JAM3: variants seen among roughly 807,000 people sequenced by gnomAD.
JAM3 encodes the protein junctional adhesion molecule C.
A neutral mutation model predicts 39.4 loss-of-function variants in JAM3; 31 were observed. The observed-to-expected ratio is 0.79, with a 90% CI of 0.59 to 1.06. JAM3 has a LOEUF of 1.06. JAM3 is among the 50% of genes least tolerant of loss of function. The pLI is 0.00. For synonymous variants in JAM3, 182 were observed against 148.7 expected (o/e 1.22, Z -1.63); for missense variants, 455 against 391.4 (o/e 1.16, Z -1.37).
intron 1 of JAM3, among the ~76,000 whole-genome samples, chr11:134,069,454 C>G (rs956510598): frequency 6.6e-6 from 1 of 152,146 alleles, no homozygotes; most frequent in Admixed American, 6.5e-5. Context: ...CCGTCGGACC[C>G]CGGGGGCGGG....
chr11:134,144,256 G>A lies in JAM3; in HGVS notation c.272G>A (p.Arg91His), dbSNP rs267602787. Residue 91 changes from arginine (R) to histidine (H), a missense_variant, in exon 4 of 9, where the codon CGT (arginine) becomes CAT (histidine). Physicochemically the swap from Arg to His is conservative, Grantham distance 29 (BLOSUM62 0). Coordinates refer to ENST00000299106, the MANE Select transcript of JAM3 (RefSeq NM_032801.5). ...DNKIQGDLAG[R>H]AEILGKTSLK... ...TTTTCTGTAGGAGACTTGGCGGGTC[G>A]TGCAGAAATACTGGGGAAGACATCC... is the stretch of plus-strand genomic sequence containing the variant. 1.1e-5 allele frequency: 17 copies of A among 1,614,168 alleles called. No homozygotes were observed. The highest frequency in any genetic ancestry group is 1.7e-4 in the Middle Eastern group (1 of 6,060).
chr11:134,114,911 C>T (rs1371223934), intron 1 of JAM3, among the ~76,000 whole-genome samples: 1 of 152,112 alleles, frequency 6.6e-6, no homozygotes, highest in Non-Finnish European at 1.5e-5. Flanking sequence ...ATTTTCTGTC[C>T]ACTTGTTCTG....
intron 1 of JAM3, among the ~76,000 whole-genome samples, chr11:134,083,126 G>T (rs887486373): frequency 1.3e-5 from 2 of 152,166 alleles, no homozygotes; most frequent in African/African-American, 4.8e-5. Flanking sequence ...GATTATGCAT[G>T]TAATTTTAGA....
chr11:134,077,026 G>C (rs1422578425), intron 1 of JAM3, among the ~76,000 whole-genome samples: 1 of 151,918 alleles, frequency 6.6e-6, no homozygotes, highest in Non-Finnish European at 1.5e-5. Context: ...GTAGAGACAG[G>C]GTTTTGCCAT....
intron 1 of JAM3, among the ~76,000 whole-genome samples, chr11:134,099,678 G>A (rs1942040886): frequency 6.6e-6 from 1 of 152,068 alleles, no homozygotes; most frequent in African/African-American, 2.4e-5. Context: ...GCGATCTTGG[G>A]TCACTGCAAC....
intron 1 of JAM3, among the ~76,000 whole-genome samples, chr11:134,106,516 T>G (rs1942190991): frequency 6.6e-6 from 1 of 152,114 alleles, no homozygotes; most frequent in Non-Finnish European, 1.5e-5. Flanking sequence ...TTAAAGAGCT[T>G]CTGCACAGCA....
chr11:134,106,828 A>G (rs1942200235), intron 1 of JAM3, among the ~76,000 whole-genome samples: 1 of 152,162 alleles, frequency 6.6e-6, no homozygotes, highest in Non-Finnish European at 1.5e-5. Flanking sequence ...AAAGTCAGGA[A>G]ACAACAGGTG....
chr11:134,112,678 A>T (rs1942339657), intron 1 of JAM3, among the ~76,000 whole-genome samples: 1 of 152,174 alleles, frequency 6.6e-6, no homozygotes, highest in African/African-American at 2.4e-5. Flanking sequence ...CCAATTATAG[A>T]CAAGGAAACT....
intron 1 of JAM3, among the ~76,000 whole-genome samples, chr11:134,074,231 T>C (rs1941528661): frequency 6.6e-6 from 1 of 152,202 alleles, no homozygotes; most frequent in Admixed American, 6.5e-5. Context: ...GCAAATTGTT[T>C]TCTGCTTTTC....
chr11:134,108,383 C>T lies in JAM3; in HGVS notation c.77-31468C>T, dbSNP rs182531572. Among the ~76,000 whole-genome samples the T allele has an allele frequency of 9.9e-5, 15 of 151,850 alleles. No homozygotes were observed. The East Asian group carries it at 1.5e-3, about 16-fold the overall frequency. ...AAGAAAAAAAAGACACCAATTCTAA[C>T]GAAACTCTTCCAACAAAGTGAAAAG... On this transcript the variant is annotated intron_variant, in intron 1 of 8. Transcript: ENST00000299106.
At chr11:134,107,075 A>G (rs2120708766) in intron 1 of JAM3, among the ~76,000 whole-genome samples, 1 of 152,360 alleles carries the variant, frequency 6.6e-6, no homozygotes, top group East Asian at 1.9e-4. Flanking sequence ...AAGACCTGGA[A>G]CCAACCCAAA....
intron 1 of JAM3, among the ~76,000 whole-genome samples, chr11:134,109,284 C>T (rs1188163153): frequency 1.3e-5 from 2 of 152,102 alleles, no homozygotes; most frequent in Non-Finnish European, 2.9e-5. Context: ...TTCTATTCAA[C>T]ACTGTATTGG....
At chr11:134,124,662 C>G (rs1048414579) in intron 1 of JAM3, among the ~76,000 whole-genome samples, 1 of 152,078 alleles carries the variant, frequency 6.6e-6, no homozygotes, top group African/African-American at 2.4e-5. Flanking sequence ...TCGCTTTCCA[C>G]TTGTTTCCTT....
intron 1 of JAM3, among the ~76,000 whole-genome samples, chr11:134,138,532 G>A (rs546790958): frequency 7.9e-5 from 12 of 152,336 alleles, no homozygotes; most frequent in Admixed American, 4.6e-4. Context: ...GAAGGAGCCC[G>A]TGTGGCCTTG....
At chr11:134,099,643 C>T (rs1942040249) in intron 1 of JAM3, among the ~76,000 whole-genome samples, 1 of 152,248 alleles carries the variant, frequency 6.6e-6, no homozygotes, top group East Asian at 1.9e-4. Context: ...CGCTCTGTCA[C>T]CCGCCCAGGC....
chr11:134,120,636 C>G (rs1424644714), intron 1 of JAM3, among the ~76,000 whole-genome samples: 1 of 152,204 alleles, frequency 6.6e-6, no homozygotes, highest in Non-Finnish European at 1.5e-5. Flanking sequence ...CAAGTCTGCT[C>G]TGCTATTCCG....
chr11:134,135,563 A>C (rs1429537271), intron 1 of JAM3, among the ~76,000 whole-genome samples: 1 of 148,806 alleles, frequency 6.7e-6, no homozygotes, highest in African/African-American at 2.5e-5. Context: ...TTTGAGATGG[A>C]GTCTCACTCT....
intron 1 of JAM3, among the ~76,000 whole-genome samples, chr11:134,080,993 C>T (rs1253824802): frequency 2.0e-5 from 3 of 152,130 alleles, no homozygotes; most frequent in Non-Finnish European, 2.9e-5. Context: ...AAAGGTGACT[C>T]TTGGTATATT....
intron 1 of JAM3, among the ~76,000 whole-genome samples, chr11:134,108,384 G>A (rs1565491319): frequency 2.0e-5 from 3 of 151,648 alleles, no homozygotes; most frequent in Non-Finnish European, 4.4e-5. Context: ...CAATTCTAAC[G>A]AAACTCTTCC....
Sources: gnomAD v4.1 joint callset for allele counts (sites outside exome capture counted in the v4.1 genomes callset) on GRCh38, gnomAD v4.1.1 for gene constraint, MANE v1.5 for transcripts, NCBI Gene and HGNC (gene_info 2026-07-23, HGNC 2026-07-21) for gene names.